WDR59: variants seen among roughly 807,000 people sequenced by gnomAD.
The protein encoded by WDR59 is WD repeat domain 59, also known as GATOR2 complex protein WDR59.
A neutral mutation model predicts 131.2 loss-of-function variants in WDR59; 100 were observed. That is an observed-to-expected ratio of 0.76 (90% confidence interval 0.65 to 0.90). The LOEUF (loss-of-function observed/expected upper bound fraction) is 0.90, where lower values mean the gene tolerates loss of function less well. WDR59 is among the 40% of genes least tolerant of loss of function. WDR59 has a pLI of 0.00. For missense variants in WDR59, 1,203 were observed against 1,262.2 expected, an observed-to-expected ratio of 0.95 and a Z score of 0.71; for synonymous variants, 601 against 466.2, an observed-to-expected ratio of 1.29 and a Z score of -3.72.
At chr16:74,950,994 A>C (rs1273889455) in intron 4 of WDR59, among the ~76,000 whole-genome samples, 2 of 131,334 alleles carry the variant, frequency 1.5e-5, no homozygotes, top group African/African-American at 5.3e-5. Context: ...TGTCTCCACA[A>C]AAAAAAAAAA....
At chr16:74,919,882 G>A (rs2030002843) in intron 10 of WDR59, among the ~76,000 whole-genome samples, 1 of 152,048 alleles carries the variant, frequency 6.6e-6, no homozygotes, top group South Asian at 2.1e-4. Flanking sequence ...CTACCAGCCT[G>A]GGCAACATGG....
intron 17 of WDR59, 198 bp from the exon 18 acceptor site, chr16:74,904,298 A>G: frequency 1.7e-6 from 1 of 593,414 alleles, no homozygotes; most frequent in Non-Finnish European, 2.8e-6. Flanking sequence ...GATTACAGAC[A>G]TAAAAAATTC....
intron 6 of WDR59, among the ~76,000 whole-genome samples, chr16:74,945,631 C>T (rs976839136): frequency 7.2e-5 from 11 of 151,960 alleles, no homozygotes; most frequent in East Asian, 3.9e-4. Flanking sequence ...CAGGTGGTGG[C>T]GGGGGGCAGA....
At chr16:74,914,421 C>G (rs1295538571) in intron 13 of WDR59, among the ~76,000 whole-genome samples, 1 of 152,026 alleles carries the variant, frequency 6.6e-6, no homozygotes, top group African/African-American at 2.4e-5. Context: ...CTTGTGTTGC[C>G]AACTAGAGAC....
intron 17 of WDR59, among the ~76,000 whole-genome samples, chr16:74,906,320 A>AAAAAAAAAAAAAAAAAAAAAC (rs765077670): frequency 7.3e-6 from 1 of 136,280 alleles, no homozygotes; most frequent in African/African-American, 2.6e-5. Flanking sequence ...TCTCAAAAAA[A>AAAAAAAAAAAAAAAAAAAAAC]AAAAAACCCA....
At chr16:74,964,788 C>T (rs1160270034) in intron 2 of WDR59, among the ~76,000 whole-genome samples, 1 of 152,128 alleles carries the variant, frequency 6.6e-6, no homozygotes, top group East Asian at 1.9e-4. Flanking sequence ...CGGTGGCTCA[C>T]ACCTGTTATC....
chr16:74,928,211 T>G (rs1373866208), intron 8 of WDR59, among the ~76,000 whole-genome samples: 1 of 147,960 alleles, frequency 6.8e-6, no homozygotes, highest in Non-Finnish European at 1.5e-5. Context: ...CAGGTTTTTT[T>G]TTTTTTTTTT....
At chr16:74,932,717 G>C (rs2031495681) in intron 8 of WDR59, among the ~76,000 whole-genome samples, 2 of 152,202 alleles carry the variant, frequency 1.3e-5, no homozygotes, top group South Asian at 4.1e-4. Flanking sequence ...TCCACCTCCT[G>C]GGCTCAAGTG....
At chr16:74,915,142 CCAGCACAGCACAGCA>C (rs997206973) in intron 13 of WDR59, among the ~76,000 whole-genome samples, 2 of 152,124 alleles carry the variant, frequency 1.3e-5, no homozygotes, top group African/African-American at 2.4e-5. Flanking sequence ...ATGGCACAGC[CCAGCACAGCACAGCA>C]CAGCACAGCA....
intron 9 of WDR59, among the ~76,000 whole-genome samples, chr16:74,923,562 C>A (rs1037051380): frequency 2.0e-5 from 3 of 152,120 alleles, no homozygotes. Flanking sequence ...ACTGCAAGCT[C>A]TGCCTCCCGG....
chr16:74,892,455 A>G, intron 20 of WDR59, 29 bp downstream of exon 20: 1 of 1,587,590 alleles, frequency 6.3e-7, no homozygotes, highest in Non-Finnish European at 8.6e-7. Context: ...AGAAAAATCC[A>G]AATCTCCACC....
At chr16:74,965,878 G>A in intron 1 of WDR59, 56 bp from the exon 2 acceptor site, 1 of 1,597,744 alleles carries the variant, frequency 6.3e-7, no homozygotes, top group South Asian at 1.1e-5. Context: ...GGGATAGAAG[G>A]CAGAGGTCTC....
At chr16:74,883,494 C>T (rs181336552) in intron 25 of WDR59, among the ~76,000 whole-genome samples, 38 of 152,244 alleles carry the variant, frequency 2.5e-4, no homozygotes, top group African/African-American at 8.4e-4. Context: ...ATGTTACTGC[C>T]AACATTACTT....
chr16:74,934,865 A>C (rs1567408987), intron 8 of WDR59, among the ~76,000 whole-genome samples: 1 of 152,088 alleles, frequency 6.6e-6, no homozygotes, highest in East Asian at 1.9e-4. Flanking sequence ...CTTGGTCAAA[A>C]AAGAACCAGG....
Position 74,931,614 on chromosome 16 carries a change from G to A in WDR59, c.651+6536C>T, listed in dbSNP as rs191008477. Among the ~76,000 whole-genome samples the A allele has an allele frequency of 3.9e-5, 6 of 152,242 alleles. No homozygotes were observed. In the East Asian group the frequency reaches 7.7e-4, roughly 20 times the overall value. ...AGCCTCCCAAAGTGCTGGGACTACA[G>A]GTATGAGTCACTGCACCCGGCTGAA... is the stretch of plus-strand genomic sequence containing the variant. On this transcript the variant is annotated intron_variant, in intron 8 of 25. Transcript: ENST00000262144.
intron 21 of WDR59, 33 bp from the exon 22 acceptor site, chr16:74,888,352 C>G (rs748313800): frequency 1.3e-6 from 2 of 1,597,886 alleles, no homozygotes; most frequent in South Asian, 2.2e-5. Context: ...GAAAACAAGT[C>G]AGGAGGAGGG....
At chr16:74,882,106 AT>A (rs1184589771) in intron 25 of WDR59, among the ~76,000 whole-genome samples, 1 of 152,210 alleles carries the variant, frequency 6.6e-6, no homozygotes, top group East Asian at 1.9e-4. Flanking sequence ...CACACTTTGT[AT>A]TTCTTTGTAC....
At chr16:74,940,564 A>G (rs985527605) in intron 7 of WDR59, among the ~76,000 whole-genome samples, 1 of 152,216 alleles carries the variant, frequency 6.6e-6, no homozygotes, top group Non-Finnish European at 1.5e-5. Flanking sequence ...GTTAGCACTG[A>G]CACTGAACTT....
chr16:74,941,633 G>T (rs1325300569), intron 7 of WDR59, among the ~76,000 whole-genome samples: 2 of 151,460 alleles, frequency 1.3e-5, no homozygotes, highest in Non-Finnish European at 2.9e-5. Context: ...GGCGTAGGTT[G>T]CAGTGAGCCA....
Sources: gnomAD v4.1 joint callset for allele counts (sites outside exome capture counted in the v4.1 genomes callset) on GRCh38, gnomAD v4.1.1 for gene constraint, MANE v1.5 for transcripts, NCBI Gene and HGNC (gene_info 2026-07-23, HGNC 2026-07-21) for gene names.